CFAP61: variants seen among roughly 807,000 people sequenced by gnomAD.
The protein encoded by CFAP61 is cilia- and flagella-associated protein 61.
Under a neutral mutation model 135.6 loss-of-function variants are expected in CFAP61, and 107 were observed. That is an observed-to-expected ratio of 0.79 (90% confidence interval 0.67 to 0.93). The LOEUF (loss-of-function observed/expected upper bound fraction) is 0.93. CFAP61 is among the 40% of genes least tolerant of loss of function. The pLI is 0.00. For synonymous variants in CFAP61, 575 were observed against 578.5 expected (o/e 0.99, Z 0.09); for missense variants, 1,507 against 1,556.2 (o/e 0.97, Z 0.53).
intron 8 of CFAP61, among the ~76,000 whole-genome samples, chr20:20,111,972 A>C (rs532353125): frequency 1.3e-5 from 2 of 152,342 alleles, no homozygotes; most frequent in Admixed American, 1.3e-4. Context: ...CAATACCTTC[A>C]GAAGCCTGCA....
At chr20:20,246,616 G>C (rs893630806) in intron 19 of CFAP61, among the ~76,000 whole-genome samples, 3 of 152,206 alleles carry the variant, frequency 2.0e-5, no homozygotes, top group African/African-American at 7.2e-5. Context: ...AGCTGATCAG[G>C]CAAAGAACTT....
intron 8 of CFAP61, among the ~76,000 whole-genome samples, chr20:20,130,145 C>T (rs148309722): frequency 0.031 from 4,730 of 151,334 alleles, 356 homozygotes; most frequent in African/African-American, 0.11. Flanking sequence ...AAAAATTAGC[C>T]GGGTGTGGTG....
rs556798605 is a variant in CFAP61 at position 20,140,226 on chromosome 20, G to A, written c.860-2631G>A. 1.8e-4 allele frequency among the ~76,000 whole-genome samples: 27 copies of A among 148,756 alleles called. No individual in the cohort carries two copies. In the South Asian group the frequency reaches 5.6e-3, roughly 31 times the overall value. ...TTATTATTATACTTTAAGTTTTAGGGTACATGTGCACAATGTGCAGGTTTG... is the reference window on the plus strand; with the variant it reads ...TTATTATTATACTTTAAGTTTTAGGATACATGTGCACAATGTGCAGGTTTG... On this transcript the variant is annotated intron_variant, in intron 8 of 26. Transcript: ENST00000245957.
At chr20:20,159,316 C>G (rs2146797180) in intron 9 of CFAP61, 54 bp from the exon 10 acceptor site, 3 of 1,570,124 alleles carry the variant, frequency 1.9e-6, no homozygotes, top group Non-Finnish European at 2.6e-6. Flanking sequence ...AGCTTGGACT[C>G]TAAACCACTG....
intron 21 of CFAP61, among the ~76,000 whole-genome samples, chr20:20,271,004 T>C (rs1057171960): frequency 6.6e-6 from 1 of 152,230 alleles, no homozygotes; most frequent in African/African-American, 2.4e-5. Context: ...GATCGCTTTA[T>C]GTGCATGGTC....
rs540320282 is a variant in CFAP61, at chr20:20,089,289, C to T, written c.567-1555C>T. On this transcript the variant is annotated intron_variant, in intron 6 of 26. Coordinates refer to ENST00000245957, the MANE Select transcript of CFAP61 (RefSeq NM_015585.4). ...CATTTCCTCATCCCCATGGGCCTTG[C>T]TCTCCTCCCTCTGCAAAGTGAAAAT... Among the ~76,000 whole-genome samples the T allele has an allele frequency of 5.9e-5, 9 of 152,238 alleles. No individual in the cohort carries two copies. In the South Asian group the frequency reaches 1.9e-3, roughly 32 times the overall value.
rs1371727165 is a variant in CFAP61, at chr20:20,175,477, GTTTTTT to G, written c.1385+6022_1385+6027del. ...TTAAGAAGCACTGTAGGGGCTTCTG[GTTTTTT>G]TTTTGTTTTTGTTTTGTTTTGTTTT... On this transcript the variant is annotated intron_variant, in intron 13 of 26. Transcript: ENST00000245957. 3.4e-3 allele frequency among the ~76,000 whole-genome samples: 497 copies of G among 145,696 alleles called. 5 individuals carry two copies. The highest frequency in any genetic ancestry group is 0.012 in the African/African-American group (466 of 39,262).
chr20:20,205,765 T>G (rs1413336714), intron 17 of CFAP61, among the ~76,000 whole-genome samples: 1 of 152,232 alleles, frequency 6.6e-6, no homozygotes, highest in Admixed American at 6.5e-5. Context: ...TGTCTGCAGT[T>G]AGCTCTCTGC....
In CFAP61 at chr20:20,288,836, A is replaced by G. The variant is rs750762781; in HGVS notation, c.3024A>G (p.Ala1008=). The G allele has an allele frequency of 1.2e-6, 2 of 1,614,192 alleles. No individual in the cohort carries two copies. Among genetic ancestry groups the G allele is most frequent in the Non-Finnish European group, 1.7e-6 (2 of 1,180,016 alleles). ...AAGAAATTGGCTTTCAGCTGGCAGCAGCTATGCTACATCTCTTTGATCCAA... is the reference window on the plus strand; with the variant it reads ...AAGAAATTGGCTTTCAGCTGGCAGCGGCTATGCTACATCTCTTTGATCCAA... ...SSKEIGFQLA[A]AMLHLFDPTL... is the part of the protein sequence containing the mutation. The change falls in exon 23 of 27, where the codon GCA becomes GCG. Residue 1008 remains alanine, a synonymous_variant. Coordinates refer to ENST00000245957, the MANE Select transcript of CFAP61 (RefSeq NM_015585.4).
chr20:20,140,815 A>G (rs1207446173), intron 8 of CFAP61, among the ~76,000 whole-genome samples: 1 of 152,162 alleles, frequency 6.6e-6, no homozygotes, highest in Non-Finnish European at 1.5e-5. Context: ...AACCAACCCA[A>G]ATGTCCAACA....
Position 20,098,615 on chromosome 20 carries a change from A to AAAAG in CFAP61, c.700-37_700-36insGAAA, listed in dbSNP as rs1258126192. On this transcript the variant is annotated intron_variant, in intron 7 of 26. Transcript: ENST00000245957. ...AGAGCGAGACTTTGTCTCAAAAAAA[A>AAAAG]AAAAAAAAAAAGAATAATGAGGTGT... is the stretch of plus-strand genomic sequence containing the variant. 2.0e-6 allele frequency: 3 copies of AAAAG among 1,519,684 alleles called. No homozygotes were observed. In the Admixed American group the frequency reaches 6.5e-5, roughly 33 times the overall value. The allele number at this position is 1,519,684 out of a possible 1,614,324, so 94.1% of individuals were successfully genotyped here.
intron 8 of CFAP61, among the ~76,000 whole-genome samples, chr20:20,130,974 C>T: frequency 6.6e-6 from 1 of 151,798 alleles, no homozygotes; most frequent in East Asian, 1.9e-4. Context: ...CCAGGGAACC[C>T]AAGATAGTAG....
At chr20:20,350,555 G>A (rs961186217) in intron 26 of CFAP61, among the ~76,000 whole-genome samples, 2 of 151,164 alleles carry the variant, frequency 1.3e-5, no homozygotes, top group Non-Finnish European at 3.0e-5. Context: ...CTTGAACCCA[G>A]GAGGTGGATG....
intron 17 of CFAP61, among the ~76,000 whole-genome samples, chr20:20,204,383 A>C (rs1364205842): frequency 6.6e-6 from 1 of 152,046 alleles, no homozygotes. Flanking sequence ...CCTCCCCCTC[A>C]GAGCTAAGTG....
At chr20:20,310,935 G>A (rs2056788408) in intron 25 of CFAP61, among the ~76,000 whole-genome samples, 1 of 152,196 alleles carries the variant, frequency 6.6e-6, no homozygotes, top group South Asian at 2.1e-4. Context: ...TAGAGTGGAG[G>A]CAGAATCTCC....
At chr20:20,342,751 AAT>A (rs2058492592) in intron 26 of CFAP61, among the ~76,000 whole-genome samples, 1 of 152,170 alleles carries the variant, frequency 6.6e-6, no homozygotes, top group African/African-American at 2.4e-5. Context: ...TGCCCCACTT[AAT>A]CACAGCTCTT....
At chr20:20,345,576 A>G (rs1442664885) in intron 26 of CFAP61, among the ~76,000 whole-genome samples, 10 of 152,186 alleles carry the variant, frequency 6.6e-5, no homozygotes, top group Non-Finnish European at 1.3e-4. Context: ...ACCATTATCT[A>G]TCTATTATCT....
intron 9 of CFAP61, among the ~76,000 whole-genome samples, chr20:20,155,095 A>C (rs1198300391): frequency 6.6e-6 from 1 of 152,208 alleles, no homozygotes; most frequent in Non-Finnish European, 1.5e-5. Context: ...AACAGAACAG[A>C]ATAGAGAACC....
intron 8 of CFAP61, among the ~76,000 whole-genome samples, chr20:20,102,985 G>A (rs1363532796): frequency 1.3e-5 from 2 of 152,098 alleles, no homozygotes. Context: ...CTTATCAAAA[G>A]TTTCCCTGGA....
Sources: gnomAD v4.1 joint callset for allele counts (sites outside exome capture counted in the v4.1 genomes callset) on GRCh38, gnomAD v4.1.1 for gene constraint, MANE v1.5 for transcripts, NCBI Gene and HGNC (gene_info 2026-07-23, HGNC 2026-07-21) for gene names.